CYLC2: variants seen among roughly 807,000 people sequenced by gnomAD.
The protein encoded by CYLC2 is cylicin 2.
CYLC2 carries 30 observed loss-of-function variants against 26.1 expected under a neutral mutation model. That is an observed-to-expected ratio of 1.15 (90% CI 0.86 to 1.56). The LOEUF (loss-of-function observed/expected upper bound fraction) is 1.56, where lower values mean the gene tolerates loss of function less well. Among genes scored for constraint, CYLC2 ranks in the 40% most tolerant of loss-of-function variants. CYLC2 has a pLI of 0.00. For synonymous variants in CYLC2, 158 were observed against 132.8 expected (o/e 1.19, Z -1.31); for missense variants, 498 against 394.4 (o/e 1.26, Z -2.23).
chr9:103,015,250 T>C (rs1283053847), intron 6 of CYLC2, among the ~76,000 whole-genome samples: 2 of 124,422 alleles, frequency 1.6e-5, no homozygotes, highest in African/African-American at 3.0e-5. Flanking sequence ...ATCTGATATA[T>C]AATATATATT....
Position 103,004,862 on chromosome 9 carries a change from C to G in CYLC2, c.337+11C>G, listed in dbSNP as rs560962956. Reference sequence around the variant, plus strand: ...ATTCTAAAGCAGCAGGTAGAGATAACTTACTGTTTTTATAGTATCTCTGTA... The same window carrying G: ...ATTCTAAAGCAGCAGGTAGAGATAAGTTACTGTTTTTATAGTATCTCTGTA... On this transcript the variant is annotated intron_variant, in intron 4 of 7. Transcript: ENST00000374798. 6.9e-6 allele frequency: 11 copies of G among 1,603,940 alleles called. No homozygotes were observed. The South Asian group carries it at 1.0e-4, about 15-fold the overall frequency.
At chr9:103,003,714 C>T (rs1174711079) in intron 3 of CYLC2, among the ~76,000 whole-genome samples, 2 of 151,890 alleles carry the variant, frequency 1.3e-5, no homozygotes, top group East Asian at 3.9e-4. Flanking sequence ...AAAATTGTTT[C>T]CAAGGAGCAC....
Position 102,996,258 on chromosome 9 carries a change from T to C in CYLC2, c.17+861T>C, listed in dbSNP as rs553256486. Among the ~76,000 whole-genome samples, 4 of 152,006 alleles carry C rather than the reference T, an allele frequency of 2.6e-5. No homozygotes were observed. The East Asian group carries it at 5.8e-4, about 22-fold the overall frequency. ...TGTCATGATTACTTTAGAAGCTGAG[T>C]AAATTGATGCCTACTATGCAAAAAT... On this transcript the variant is annotated intron_variant, in intron 1 of 7. Transcript: ENST00000374798.
In CYLC2 at chr9:103,005,609, T is replaced by C; in HGVS notation, c.978T>C (p.Asp326=). ...KKDAKKNAKK[D]AKKDAKKNAK... ...ATGCAAAGAAAAATGCTAAGAAGGA[T>C]GCAAAGAAGGATGCAAAGAAGAATG... The change falls in exon 5 of 8, where the codon GAT becomes GAC. Residue 326 remains aspartate, a synonymous_variant. Coordinates refer to ENST00000374798, the MANE Select transcript of CYLC2 (RefSeq NM_001340.5). 6.2e-7 allele frequency: 1 copy of C among 1,608,662 alleles called. No homozygotes were observed.
chr9:103,013,887 T>G (rs919418511), intron 6 of CYLC2, among the ~76,000 whole-genome samples: 1 of 113,398 alleles, frequency 8.8e-6, no homozygotes, highest in Non-Finnish European at 1.6e-5. Context: ...ATATAATAAA[T>G]AATATATTAT....
At chr9:103,000,154 C>T (rs903516283) in intron 1 of CYLC2, among the ~76,000 whole-genome samples, 2 of 151,494 alleles carry the variant, frequency 1.3e-5, no homozygotes. Flanking sequence ...TCTTATTGTT[C>T]AGTTGCTTCT....
At chr9:103,001,733 A>G (rs1460308093) in intron 2 of CYLC2, 115 bp downstream of exon 2, 6 of 657,878 alleles carry the variant, frequency 9.1e-6, no homozygotes, top group Non-Finnish European at 1.0e-5. Context: ...TTGATAATTA[A>G]CTATTTCCCA....
intron 6 of CYLC2, among the ~76,000 whole-genome samples, chr9:103,012,419 A>T (rs4400449): frequency 0.66 from 100,409 of 151,778 alleles, 33,486 homozygotes; most frequent in South Asian, 0.82. Context: ...GGTGTTTTGA[A>T]CATATTGAAT....
chr9:103,015,354 T>G (rs1013402569), intron 6 of CYLC2, among the ~76,000 whole-genome samples: 55 of 122,674 alleles, frequency 4.5e-4, no homozygotes, highest in African/African-American at 1.6e-3. Flanking sequence ...ATATATTATA[T>G]ATAATCATAT....
chr9:103,010,438 C>T (rs975522965), intron 5 of CYLC2, among the ~76,000 whole-genome samples: 10 of 152,006 alleles, frequency 6.6e-5, no homozygotes, highest in African/African-American at 2.4e-4. Context: ...CCTCACAATC[C>T]TAATATATCT....
chr9:103,001,629 A>G lies in CYLC2; in HGVS notation c.58+11A>G. The G allele has an allele frequency of 1.3e-6, 2 of 1,537,204 alleles. No individual in the cohort carries two copies. The highest frequency in any genetic ancestry group is 1.8e-6 in the Non-Finnish European group (2 of 1,114,234). On this transcript the variant is annotated intron_variant, in intron 2 of 7. Transcript: ENST00000374798. The stretch of plus-strand genomic sequence containing the variant: ...ATAATTACATTCCAGGTAAGAAAGC[A>G]TTCAATATTTATTACAAAACAGGTG...
At chr9:103,010,821 T>C (rs1829399536) in intron 5 of CYLC2, 1 of 152,066 alleles carries the variant, frequency 6.6e-6, no homozygotes, top group South Asian at 2.1e-4. Context: ...TATTGCACAT[T>C]GCTTAGTAGT....
intron 5 of CYLC2, among the ~76,000 whole-genome samples, chr9:103,008,083 G>A (rs1829370043): frequency 6.6e-6 from 1 of 152,048 alleles, no homozygotes; most frequent in African/African-American, 2.4e-5. Flanking sequence ...TGTTGAGATT[G>A]CTAAACTTTT....
intron 3 of CYLC2, among the ~76,000 whole-genome samples, chr9:103,004,076 C>A (rs535950210): frequency 6.6e-6 from 1 of 151,720 alleles, no homozygotes; most frequent in South Asian, 2.1e-4. Flanking sequence ...CTATTTTTGC[C>A]ATTCAGTTTT....
chr9:102,995,372 G>A lies in CYLC2; in HGVS notation c.-9G>A, dbSNP rs771425186. On this transcript the variant is annotated 5_prime_UTR_variant, in exon 1 of 8. It adds an upstream start codon to the 5' untranslated region. Transcript: ENST00000374798. ...ATACTTAAGTCCTGGCAAGTCATAA[G>A]TGGGGAAAATGTCTCTCCCAAGATT... The A allele has an allele frequency of 6.2e-7, 1 of 1,604,176 alleles. No individual in the cohort carries two copies. Among genetic ancestry groups the A allele is most frequent in the Non-Finnish European group, 8.5e-7 (1 of 1,171,778 alleles).
intron 6 of CYLC2, among the ~76,000 whole-genome samples, chr9:103,013,353 A>G (rs1278443564): frequency 3.3e-5 from 3 of 91,820 alleles, no homozygotes; most frequent in Non-Finnish European, 3.9e-5. Flanking sequence ...ATAAATATAT[A>G]TTATATAAAT....
intron 7 of CYLC2, among the ~76,000 whole-genome samples, chr9:103,017,576 A>C (rs1016456675): frequency 1.3e-5 from 2 of 152,040 alleles, no homozygotes; most frequent in African/African-American, 4.8e-5. Flanking sequence ...ACAAACCTAC[A>C]TGTTAACATA....
chr9:103,016,733 T>C (rs1179789835), intron 6 of CYLC2, among the ~76,000 whole-genome samples, 155 bp from the exon 7 acceptor site: 1 of 152,014 alleles, frequency 6.6e-6, no homozygotes. Context: ...CAACTTCCTC[T>C]TAGGAAGAGG....
At position 103,005,572 on chromosome 9, in the gene CYLC2, A is replaced by G; in HGVS notation, c.941A>G (p.Asp314Gly). The G allele has an allele frequency of 6.2e-7, 1 of 1,609,112 alleles. No homozygotes were observed. Among genetic ancestry groups the G allele is most frequent in the African/African-American group, 1.3e-5 (1 of 74,952 alleles). Residue 314 changes from aspartate to glycine, a missense_variant, in exon 5 of 8, where the codon GAT (aspartate) becomes GGT (glycine). Asp to Gly is a moderately conservative substitution (Grantham distance 94). Coordinates refer to ENST00000374798, the MANE Select transcript of CYLC2 (RefSeq NM_001340.5). Reference sequence around the variant, plus strand: ...AAAGATACTGAGAAAGAATCTGCTGATTCAAAGAAGGATGCAAAGAAAAAT... The same window carrying G: ...AAAGATACTGAGAAAGAATCTGCTGGTTCAAAGAAGGATGCAAAGAAAAAT... ...AKKDTEKESA[D>G]SKKDAKKNAK...
Sources: gnomAD v4.1 joint callset for allele counts (sites outside exome capture counted in the v4.1 genomes callset) on GRCh38, gnomAD v4.1.1 for gene constraint, MANE v1.5 for transcripts, NCBI Gene and HGNC (gene_info 2026-07-23, HGNC 2026-07-21) for gene names.